The following GPAM variants were observed in gnomAD, a reference collection of about 807,000 sequenced individuals.
GPAM encodes the protein glycerol-3-phosphate acyltransferase 1, mitochondrial.
A neutral mutation model predicts 105.0 loss-of-function variants in GPAM; 56 were observed. The observed-to-expected ratio is 0.53, with a 90% confidence interval of 0.43 to 0.67. The LOEUF is 0.67. GPAM is among the 30% of genes least tolerant of loss of function. GPAM has a pLI of 0.00. For missense variants in GPAM, 855 were observed against 989.8 expected, an observed-to-expected ratio of 0.86 and a Z score of 1.83; for synonymous variants, 368 against 354.4, an observed-to-expected ratio of 1.04 and a Z score of -0.43.
At chr10:112,198,667 T>A (rs1156936208) in intron 1 of GPAM, among the ~76,000 whole-genome samples, 1 of 152,194 alleles carries the variant, frequency 6.6e-6, no homozygotes, top group Non-Finnish European at 1.5e-5. Flanking sequence ...CAAGCCCACT[T>A]CTGGATGCAT....
At position 112,190,257 on chromosome 10, in the gene GPAM, T is replaced by A. The variant is rs1319043751; in HGVS notation, n.211-7366A>T. On this transcript the variant is annotated intron_variant and non_coding_transcript_variant, in intron 1 of 3. Transcript: ENST00000480130. ...TGAGGGGTGGCAGTGAAGGTGACCT[T>A]AGATTCTGCCTTTAAGAAAGGGTCT... is the stretch of plus-strand genomic sequence containing the variant. Among the ~76,000 whole-genome samples, 7 of 152,218 alleles carry A rather than the reference T, an allele frequency of 4.6e-5. No homozygotes were observed. In the South Asian group the frequency reaches 1.5e-3, roughly 32 times the overall value.
intron 21 of GPAM, 182 bp from the exon 22 acceptor site, chr10:112,153,848 C>A: frequency 3.4e-6 from 2 of 586,610 alleles, no homozygotes; most frequent in Non-Finnish European, 5.8e-6. Flanking sequence ...GTTTCCAATG[C>A]AAACAAGGTT....
Position 112,172,186 on chromosome 10 carries a change from A to G in GPAM, c.790T>C (p.Phe264Leu). 1 of 1,606,120 alleles carries G rather than the reference A, an allele frequency of 6.2e-7. No individual in the cohort carries two copies. Among genetic ancestry groups the G allele is most frequent in the Non-Finnish European group, 8.5e-7 (1 of 1,172,804 alleles). Residue 264 changes from phenylalanine (F) to leucine (L), a missense_variant, in exon 9 of 22, where the codon TTC becomes CTC. Phe to Leu is a conservative substitution (Grantham distance 22). Transcript: ENST00000348367. ...ASGNNLNIPI[F>L]STLIHKLGGF... ...TCCAAAATAAGCTCATCTTACCTGA[A>G]GATTGGGATGTTGAGATTATTGCCT...
intron 3 of GPAM, among the ~76,000 whole-genome samples, chr10:112,181,241 G>A (rs1038316956): frequency 2.7e-5 from 4 of 150,344 alleles, no homozygotes; most frequent in Admixed American, 1.3e-4. Context: ...TTTAAAATAC[G>A]TCATGTTATA....
At chr10:112,167,746 G>C (rs541838576) in intron 11 of GPAM, among the ~76,000 whole-genome samples, 1 of 152,302 alleles carries the variant, frequency 6.6e-6, no homozygotes, top group South Asian at 2.1e-4. Context: ...AAAGGTCCTG[G>C]TAATATTGTT....
At chr10:112,173,658 C>T (rs746616714) in intron 7 of GPAM, 41 bp downstream of exon 7, 2 of 1,596,628 alleles carry the variant, frequency 1.3e-6, no homozygotes, top group South Asian at 1.1e-5. Flanking sequence ...CTCAAATCAG[C>T]ATGGCTGTGA....
In GPAM at chr10:112,156,567, G is replaced by A. The variant is rs755311962; in HGVS notation, c.2122-514C>T. The A allele has an allele frequency of 5.5e-5, 10 of 181,990 alleles. No homozygotes were observed. In the East Asian group the frequency reaches 5.9e-4, roughly 11 times the overall value. The allele number at this position is 181,990 out of a possible 1,614,324, so 11.3% of individuals were successfully genotyped here. A position where few individuals can be genotyped will look rare whatever the true frequency, so the allele number is the denominator to read the frequency against. On this transcript the variant is annotated intron_variant, in intron 19 of 21. Coordinates refer to ENST00000348367, the MANE Select transcript of GPAM (RefSeq NM_001244949.2). ...ACTGTGACGGCGGTGCTTTATGGCC[G>A]AGAGGCTCTCACTGTACCTACCCAA...
At chr10:112,190,474 T>G (rs2133281534) in intron 1 of GPAM, among the ~76,000 whole-genome samples, 1 of 145,756 alleles carries the variant, frequency 6.9e-6, no homozygotes, top group Non-Finnish European at 1.5e-5. Flanking sequence ...CACCCCAGCC[T>G]GGGCAACAGA....
chr10:112,189,090 C>T (rs966689237), intron 1 of GPAM, among the ~76,000 whole-genome samples: 14 of 152,142 alleles, frequency 9.2e-5, no homozygotes, highest in Admixed American at 7.9e-4. Context: ...ATTGTAAGGA[C>T]ATTGTTAACT....
At chr10:112,211,609 G>A (rs546184099) in intron 1 of GPAM, among the ~76,000 whole-genome samples, 14 of 152,026 alleles carry the variant, frequency 9.2e-5, no homozygotes, top group Non-Finnish European at 1.5e-4. Context: ...TTTAAATGTC[G>A]GTCATCCCCA....
Position 112,163,782 on chromosome 10 carries a change from A to C in GPAM, c.1342T>G (p.Ser448Ala), listed in dbSNP as rs1847166962. Residue 448 changes from serine to alanine, a missense_variant, in exon 14 of 22, where the codon TCC becomes GCC. Ser to Ala is a moderately conservative substitution (Grantham distance 99). Transcript: ENST00000348367. ...GTTGCATTTCTGGACTCATTAATGG[A>C]CGTGTCTCTACCTTCATCAGCAGCA... ...SDAADEGRDT[S>A]INESRNATDE... The C allele has an allele frequency of 6.2e-7, 1 of 1,600,728 alleles. No individual in the cohort carries two copies. The highest frequency in any genetic ancestry group is 2.2e-5 in the East Asian group (1 of 44,802).
chr10:112,172,040 A>G (rs1564679573), intron 9 of GPAM, 142 bp downstream of exon 9: 2 of 661,214 alleles, frequency 3.0e-6, no homozygotes, highest in East Asian at 5.6e-5. Flanking sequence ...ATTTTACACA[A>G]TAACTATGTA....
intron 11 of GPAM, 23 bp from the exon 12 acceptor site, chr10:112,166,538 A>T (rs1847220430): frequency 7.7e-7 from 1 of 1,302,874 alleles, no homozygotes; most frequent in Admixed American, 1.7e-5. Context: ...AGTGAGAATA[A>T]CATGGTGAGA....
At chr10:112,191,912 G>A (rs1296815118) in intron 1 of GPAM, among the ~76,000 whole-genome samples, 2 of 152,132 alleles carry the variant, frequency 1.3e-5, no homozygotes, top group South Asian at 2.1e-4. Flanking sequence ...AAGATGGGGG[G>A]ACTGTGAAGA....
At chr10:112,182,276 A>C (rs886685234) in intron 2 of GPAM, among the ~76,000 whole-genome samples, 2 of 152,188 alleles carry the variant, frequency 1.3e-5, no homozygotes, top group Non-Finnish European at 2.9e-5. Flanking sequence ...ATGTTTATTT[A>C]ATTAAGGCAA....
chr10:112,150,880 CATTGTAATCCCAGAAAT>C lies in GPAM; in HGVS notation c.*2653_*2669del, dbSNP rs1180589025. ...CAATTCCACAATTTGGGCTTACATT[CATTGTAATCCCAGAAAT>C]ATTTTCTCCATTTACCCTCATGACT... On this transcript the variant is annotated 3_prime_UTR_variant, in exon 22 of 22. Transcript: ENST00000348367. 1.0e-6 allele frequency: 1 copy of C among 984,644 alleles called. No individual in the cohort carries two copies. The highest frequency in any genetic ancestry group is 1.7e-5 in the African/African-American group (1 of 57,230). The allele number at this position is 984,644 out of a possible 1,614,324, so 61.0% of individuals were successfully genotyped here.
upstream of GPAM, among the ~76,000 whole-genome samples, chr10:112,219,418 G>A (rs1200690278): frequency 6.6e-6 from 1 of 152,160 alleles, no homozygotes; most frequent in East Asian, 1.9e-4. Flanking sequence ...CAGAGGTCTG[G>A]AACCAGCTAG....
intron 4 of GPAM, among the ~76,000 whole-genome samples, chr10:112,178,282 G>A (rs1012678569): frequency 2.6e-5 from 4 of 152,150 alleles, no homozygotes; most frequent in African/African-American, 7.2e-5. Context: ...AGGCGCAGTG[G>A]CTCACACCCG....
At chr10:112,181,874 A>C (rs1847515463) in intron 2 of GPAM, 61 bp from the exon 3 acceptor site, 1 of 769,534 alleles carries the variant, frequency 1.3e-6, no homozygotes, top group African/African-American at 1.7e-5. Context: ...ACTAGAACTC[A>C]AAATTCTGAT....
Sources: gnomAD v4.1 joint callset for allele counts (sites outside exome capture counted in the v4.1 genomes callset) on GRCh38, gnomAD v4.1.1 for gene constraint, MANE v1.5 for transcripts, NCBI Gene and HGNC (gene_info 2026-07-23, HGNC 2026-07-21) for gene names.